Variants in PRKDC observed in about 807,000 individuals in gnomAD.
PRKDC encodes the protein DNA-dependent protein kinase catalytic subunit.
In PRKDC, 82 loss-of-function variants were observed where a neutral mutation model predicts 486.9. The observed-to-expected ratio is 0.17, with a 90% CI of 0.14 to 0.20. The LOEUF (loss-of-function observed/expected upper bound fraction) is 0.20. Ranked by LOEUF, PRKDC falls within the 10% of genes least tolerant of loss-of-function variation. The pLI, the probability that PRKDC is intolerant of heterozygous loss-of-function variation, is 1.00. For missense variants in PRKDC, 4,504 were observed against 5,038.2 expected (o/e 0.89, Z 3.21); for synonymous variants, 1,895 against 1,837.0 (o/e 1.03, Z -0.81).
chr8:47,936,669 T>A (rs966317652), intron 11 of PRKDC, among the ~76,000 whole-genome samples, 152 bp from the exon 12 acceptor site: 1 of 151,848 alleles, frequency 6.6e-6, no homozygotes, highest in East Asian at 2.0e-4. Context: ...CAGGCTGGAG[T>A]GCAATGGCGT....
At position 47,849,236 on chromosome 8, in the gene PRKDC, C is replaced by T. The variant is rs2088348342; in HGVS notation, c.7198G>A (p.Val2400Met). The T allele has an allele frequency of 1.2e-6, 2 of 1,613,922 alleles. No individual in the cohort carries two copies. Among genetic ancestry groups the T allele is most frequent in the African/African-American group, 1.3e-5 (1 of 74,928 alleles). ...HGVLKTLCLE[V>M]VLCRVEGMTE... ...ATTCCCTCCACACGACAAAGTACCA[C>T]CTCCAGACAGAGTGTTTTCAACACT... Residue 2400 changes from valine to methionine, a missense_variant, in exon 54 of 86, where the codon GTG becomes ATG. Transcript: ENST00000314191.
intron 15 of PRKDC, 40 bp downstream of exon 15, chr8:47,933,925 G>A: frequency 6.4e-7 from 1 of 1,572,446 alleles, no homozygotes; most frequent in Middle Eastern, 2.3e-4. Flanking sequence ...ACTAATAAAG[G>A]AAGTAAGGTA....
chr8:47,862,134 A>C lies in PRKDC; in HGVS notation c.5920-7T>G. 1.3e-6 allele frequency: 2 copies of C among 1,542,968 alleles called. No individual in the cohort carries two copies. The highest frequency in any genetic ancestry group is 8.8e-7 in the Non-Finnish European group (1 of 1,140,684). On this transcript the variant is annotated splice_region_variant and splice_polypyrimidine_tract_variant and intron_variant, in intron 43 of 85. Transcript: ENST00000314191. ...TTTCAAAAATAAGCAAGTTCTGTGA[A>C]TACAAAGAATCATATAAAAATAGCT...
chr8:47,797,219 T>C (rs377521886), intron 73 of PRKDC, among the ~76,000 whole-genome samples: 65 of 152,350 alleles, frequency 4.3e-4, no homozygotes, highest in African/African-American at 1.5e-3. Flanking sequence ...TACTGGGTGT[T>C]TTGACAACGT....
chr8:47,881,487 C>T lies in PRKDC; in HGVS notation c.4996G>A (p.Gly1666Ser), dbSNP rs369411997. The T allele has an allele frequency of 3.6e-5, 56 of 1,568,750 alleles. No homozygotes were observed. Among genetic ancestry groups the T allele is most frequent in the Non-Finnish European group, 4.8e-5 (55 of 1,146,578 alleles). ...DSSVSFNTSH[G>S]SFPEVFTTYI... is the part of the protein sequence containing the mutation. ...GTTGTAAAGACTTCAGGGAATGAAC[C>T]ATGACTTGTATTAAAAGATACAGAT... Residue 1666 changes from glycine to serine, a missense_variant, in exon 38 of 86, where the codon GGT becomes AGT. By Grantham distance (56) the Gly-to-Ser change is moderately conservative. Transcript: ENST00000314191.
chr8:47,788,845 T>C (rs1589696237), intron 76 of PRKDC, 61 bp downstream of exon 76: 6 of 1,395,046 alleles, frequency 4.3e-6, no homozygotes, highest in Non-Finnish European at 3.8e-6. Context: ...CATTTAATAA[T>C]GTAACTATTG....
intron 66 of PRKDC, among the ~76,000 whole-genome samples, chr8:47,819,856 C>G (rs1231596723): frequency 6.6e-6 from 1 of 152,112 alleles, no homozygotes; most frequent in Non-Finnish European, 1.5e-5. Flanking sequence ...TAAACTTCCT[C>G]AAGAGTGCTA....
chr8:47,790,462 T>G (rs1427638141), intron 74 of PRKDC, among the ~76,000 whole-genome samples: 2 of 152,186 alleles, frequency 1.3e-5, no homozygotes, highest in Non-Finnish European at 2.9e-5. Context: ...GAATCAATAC[T>G]GTTAAATCTG....
intron 13 of PRKDC, 35 bp downstream of exon 13, chr8:47,935,697 T>A: frequency 6.3e-7 from 1 of 1,598,236 alleles, no homozygotes; most frequent in South Asian, 1.1e-5. Flanking sequence ...TAATTATCCA[T>A]CATTACTCAT....
At chr8:47,807,568 GC>G (rs1328993785) in intron 68 of PRKDC, among the ~76,000 whole-genome samples, 11 of 143,766 alleles carry the variant, frequency 7.7e-5, no homozygotes, top group Middle Eastern at 4.4e-3. Context: ...ACAGGCGCCT[GC>G]CACTACACCC....
At chr8:47,943,508 C>T (rs2090480882) in intron 9 of PRKDC, 142 bp from the exon 10 acceptor site, 2 of 883,102 alleles carry the variant, frequency 2.3e-6, no homozygotes, top group African/African-American at 3.4e-5. Context: ...CCAGGGATTC[C>T]TGTCAGAGCT....
intron 77 of PRKDC, chr8:47,784,029 C>A (rs1237377983): frequency 5.9e-6 from 3 of 506,134 alleles, no homozygotes; most frequent in Admixed American, 3.2e-5. Context: ...GAGGCCAAGG[C>A]GAGCAGATCA....
chr8:47,897,095 C>T (rs1448295141), intron 30 of PRKDC, 66 bp downstream of exon 30: 41 of 1,452,798 alleles, frequency 2.8e-5, no homozygotes, highest in Non-Finnish European at 3.4e-5. Context: ...CTCAATTCTT[C>T]TTTACTTCTT....
intron 71 of PRKDC, among the ~76,000 whole-genome samples, chr8:47,800,087 T>C (rs1446583411): frequency 6.6e-6 from 1 of 152,250 alleles, no homozygotes; most frequent in Non-Finnish European, 1.5e-5. Flanking sequence ...AAATTGGCTG[T>C]GCGTGCCATC....
intron 20 of PRKDC, 75 bp downstream of exon 20, chr8:47,927,696 A>G (rs1331817967): frequency 7.1e-7 from 1 of 1,408,846 alleles, no homozygotes; most frequent in Non-Finnish European, 9.3e-7. Flanking sequence ...TGCCAGGGCA[A>G]GAGGATGGTG....
intron 40 of PRKDC, among the ~76,000 whole-genome samples, chr8:47,874,224 C>T (rs973135387): frequency 2.0e-5 from 3 of 151,938 alleles, no homozygotes; most frequent in African/African-American, 7.3e-5. Flanking sequence ...GCTGGGATTA[C>T]AGGCATGAGC....
chr8:47,955,376 G>A (rs1158305610), intron 4 of PRKDC, among the ~76,000 whole-genome samples: 1 of 144,528 alleles, frequency 6.9e-6, no homozygotes, highest in Non-Finnish European at 1.5e-5. Context: ...GCAGGAGAAT[G>A]GCGTGAACCC....
chr8:47,829,959 C>T (rs540091018), intron 61 of PRKDC, among the ~76,000 whole-genome samples: 19 of 152,100 alleles, frequency 1.2e-4, no homozygotes, highest in South Asian at 4.2e-4. Context: ...AAAAAGAGCC[C>T]GTATAGCCAA....
chr8:47,908,097 C>G (rs1351103362), intron 25 of PRKDC, among the ~76,000 whole-genome samples: 1 of 152,226 alleles, frequency 6.6e-6, no homozygotes, highest in Non-Finnish European at 1.5e-5. Flanking sequence ...TGTGGTCACT[C>G]AATCCGAGCC....
Sources: gnomAD v4.1 joint callset for allele counts (sites outside exome capture counted in the v4.1 genomes callset) on GRCh38, gnomAD v4.1.1 for gene constraint, MANE v1.5 for transcripts, NCBI Gene and HGNC (gene_info 2026-07-23, HGNC 2026-07-21) for gene names.